Variants in PRKG1 observed in about 807,000 individuals in gnomAD.
The protein encoded by PRKG1 is cGMP-dependent protein kinase 1.
Under a neutral mutation model 88.1 loss-of-function variants are expected in PRKG1, and 35 were observed. The ratio of observed to expected loss-of-function variants is 0.40; its 90% CI spans 0.30 to 0.53. The LOEUF (loss-of-function observed/expected upper bound fraction) is 0.53. Ranked by LOEUF, PRKG1 falls within the 20% of genes least tolerant of loss-of-function variation. The pLI is 0.59. For synonymous variants in PRKG1, 303 were observed against 292.5 expected (o/e 1.04, Z -0.37); for missense variants, 540 against 839.8 (o/e 0.64, Z 4.41).
At chr10:52,020,683 C>T (rs1845160858) in intron 5 of PRKG1, among the ~76,000 whole-genome samples, 1 of 152,006 alleles carries the variant, frequency 6.6e-6, no homozygotes, top group Non-Finnish European at 1.5e-5. Flanking sequence ...CTGTGCAATG[C>T]CCTCTTAATG....
intron 5 of PRKG1, among the ~76,000 whole-genome samples, chr10:51,981,778 T>C (rs11510890): frequency 0.2 from 29,993 of 152,054 alleles, 3,828 homozygotes; most frequent in Non-Finnish European, 0.28. Context: ...GAGAATCTGA[T>C]GACTGTGTGT....
At chr10:51,770,747 C>G (rs983594797) in intron 3 of PRKG1, among the ~76,000 whole-genome samples, 1 of 152,128 alleles carries the variant, frequency 6.6e-6, no homozygotes, top group Non-Finnish European at 1.5e-5. Context: ...ATCATGAAAC[C>G]ATCCCCTACA....
At chr10:52,292,523 G>A (rs376401609) in intron 17 of PRKG1, among the ~76,000 whole-genome samples, 10 of 151,574 alleles carry the variant, frequency 6.6e-5, no homozygotes, top group Non-Finnish European at 8.8e-5. Context: ...ATAGGGAATC[G>A]TTTCCCCATT....
chr10:51,213,421 C>G (rs552045256), intron 2 of PRKG1, among the ~76,000 whole-genome samples: 136 of 152,270 alleles, frequency 8.9e-4, no homozygotes, highest in African/African-American at 3.2e-3. Context: ...ACATATGTAA[C>G]AAACCTGCAC....
At chr10:52,233,807 C>T (rs113539290) in intron 9 of PRKG1, among the ~76,000 whole-genome samples, 5,724 of 152,064 alleles carry the variant, frequency 0.038, 144 homozygotes, top group Middle Eastern at 0.1. Context: ...TGGGTGGAGC[C>T]CACCACAGCT....
intron 8 of PRKG1, among the ~76,000 whole-genome samples, chr10:52,149,543 T>A (rs1837841931): frequency 6.6e-6 from 1 of 152,020 alleles, no homozygotes; most frequent in Non-Finnish European, 1.5e-5. Context: ...CTGGAGTCCT[T>A]GGAAGCCAGG....
chr10:52,106,658 C>T (rs1047204003), intron 7 of PRKG1, among the ~76,000 whole-genome samples: 2 of 150,406 alleles, frequency 1.3e-5, no homozygotes, highest in Admixed American at 6.6e-5. Flanking sequence ...GAGCCGAGAT[C>T]GCGCCACTGC....
At chr10:51,316,665 A>C (rs1310331178) in intron 2 of PRKG1, among the ~76,000 whole-genome samples, 1 of 151,572 alleles carries the variant, frequency 6.6e-6, no homozygotes, top group East Asian at 1.9e-4. Flanking sequence ...CTGGGCGACA[A>C]GAGCAAGACT....
At chr10:51,193,219 G>C (rs112027999) in intron 2 of PRKG1, among the ~76,000 whole-genome samples, 1 of 151,950 alleles carries the variant, frequency 6.6e-6, no homozygotes, top group Non-Finnish European at 1.5e-5. Context: ...GGGAATGAAG[G>C]TACTTGAATA....
At chr10:51,944,986 C>T (rs1163896478) in intron 5 of PRKG1, among the ~76,000 whole-genome samples, 2 of 151,170 alleles carry the variant, frequency 1.3e-5, no homozygotes, top group Non-Finnish European at 2.9e-5. Flanking sequence ...TGGTGCAGAG[C>T]TGAGTTCAAT....
intron 2 of PRKG1, among the ~76,000 whole-genome samples, chr10:51,155,011 A>T (rs1181211936): frequency 6.6e-6 from 1 of 152,054 alleles, no homozygotes; most frequent in African/African-American, 2.4e-5. Context: ...CAATAGCTTC[A>T]TATGATATTA....
chr10:51,890,975 A>C (rs1841705219), intron 4 of PRKG1, among the ~76,000 whole-genome samples: 1 of 152,166 alleles, frequency 6.6e-6, no homozygotes, highest in Non-Finnish European at 1.5e-5. Flanking sequence ...ATACATATAT[A>C]TTAGGGCTAG....
At chr10:50,998,228 T>G (rs1213574529) in intron 1 of PRKG1, among the ~76,000 whole-genome samples, 1 of 152,168 alleles carries the variant, frequency 6.6e-6, no homozygotes, top group African/African-American at 2.4e-5. Flanking sequence ...GTGTTGTGTG[T>G]CCCTCTTTCG....
intron 4 of PRKG1, among the ~76,000 whole-genome samples, chr10:51,880,169 T>C (rs1841402964): frequency 6.6e-6 from 1 of 152,160 alleles, no homozygotes; most frequent in Non-Finnish European, 1.5e-5. Context: ...AAATTATGGT[T>C]TACATTTTAC....
chr10:51,242,120 A>G (rs994455229), intron 2 of PRKG1, among the ~76,000 whole-genome samples: 3 of 152,190 alleles, frequency 2.0e-5, no homozygotes, highest in African/African-American at 7.2e-5. Flanking sequence ...GTCGTCCTAT[A>G]TATAAATGAC....
At chr10:51,292,593 T>G (rs1840611706) in intron 2 of PRKG1, among the ~76,000 whole-genome samples, 1 of 152,188 alleles carries the variant, frequency 6.6e-6, no homozygotes, top group Non-Finnish European at 1.5e-5. Context: ...GGATTTGGTT[T>G]TTCTGCATTG....
chr10:51,905,739 A>G (rs941885944), intron 4 of PRKG1, among the ~76,000 whole-genome samples: 3 of 152,168 alleles, frequency 2.0e-5, no homozygotes, highest in African/African-American at 7.2e-5. Flanking sequence ...GGGAACTAAC[A>G]TTGTATTTTG....
At chr10:52,211,699 T>TA (rs57320498) in intron 9 of PRKG1, among the ~76,000 whole-genome samples, 33,501 of 119,794 alleles carry the variant, frequency 0.28, 4,956 homozygotes, top group Middle Eastern at 0.42. Flanking sequence ...CCTATCCTGG[T>TA]AAAAAAAAAA....
chr10:51,613,431 G>A (rs1838964317), intron 3 of PRKG1, among the ~76,000 whole-genome samples: 1 of 151,510 alleles, frequency 6.6e-6, no homozygotes, highest in Non-Finnish European at 1.5e-5. Context: ...CTAGCTAGTG[G>A]TTTATCAATT....
Sources: gnomAD v4.1 joint callset for allele counts (sites outside exome capture counted in the v4.1 genomes callset) on GRCh38, gnomAD v4.1.1 for gene constraint, MANE v1.5 for transcripts, NCBI Gene and HGNC (gene_info 2026-07-23, HGNC 2026-07-21) for gene names.